The following LARS2 variants were observed in gnomAD, a reference collection of about 807,000 sequenced individuals.
LARS2 encodes leucine--tRNA ligase, mitochondrial.
Under a neutral mutation model 116.6 loss-of-function variants are expected in LARS2, and 81 were observed. That is an observed-to-expected ratio of 0.69 (90% CI 0.58 to 0.84). The LOEUF (loss-of-function observed/expected upper bound fraction) is 0.84, where lower values mean the gene tolerates loss of function less well. Among genes scored for constraint, LARS2 ranks in the 40% least tolerant of loss-of-function variants. The pLI is 0.00. For missense variants in LARS2, 968 were observed against 1,114.5 expected (o/e 0.87, Z 1.87); for synonymous variants, 396 against 407.2 (o/e 0.97, Z 0.33).
At chr3:45,431,654 A>C (rs1575250235) in intron 6 of LARS2, among the ~76,000 whole-genome samples, 1 of 106,412 alleles carries the variant, frequency 9.4e-6, no homozygotes, top group African/African-American at 3.2e-5. Flanking sequence ...CAAAGAAAAT[A>C]GTTATAGAAT....
Position 45,530,294 on chromosome 3 carries a change from G to A in LARS2, c.2404+6186G>A, listed in dbSNP as rs138065768. ...TCCCAGCACTATGGGAGGCCGAGGC[G>A]GGCGGATCATGAGGTCAAAGATCAA... On this transcript the variant is annotated intron_variant, in intron 20 of 21. Coordinates refer to ENST00000645846, the MANE Select transcript of LARS2 (RefSeq NM_015340.4). 2.4e-3 allele frequency among the ~76,000 whole-genome samples: 368 copies of A among 152,174 alleles called. 1 individual carries two copies. The highest frequency in any genetic ancestry group is 7.4e-3 in the African/African-American group (306 of 41,518).
intron 15 of LARS2, among the ~76,000 whole-genome samples, chr3:45,511,022 G>C (rs1700281242): frequency 6.6e-6 from 1 of 152,190 alleles, no homozygotes; most frequent in Admixed American, 6.5e-5. Context: ...AGAATTCAGA[G>C]ACTCGTTCTG....
chr3:45,504,122 A>G (rs1469081987), intron 15 of LARS2, among the ~76,000 whole-genome samples: 6 of 152,064 alleles, frequency 3.9e-5, no homozygotes, highest in African/African-American at 1.4e-4. Flanking sequence ...TGGATATACC[A>G]TAATTTATGT....
At chr3:45,428,535 G>A (rs1421227748) in intron 6 of LARS2, among the ~76,000 whole-genome samples, 4 of 152,012 alleles carry the variant, frequency 2.6e-5, no homozygotes, top group South Asian at 2.1e-4. Flanking sequence ...GTGAGCCACC[G>A]CGCCCAGCCT....
At chr3:45,504,708 T>C (rs1169476905) in intron 15 of LARS2, among the ~76,000 whole-genome samples, 1 of 152,070 alleles carries the variant, frequency 6.6e-6, no homozygotes, top group Non-Finnish European at 1.5e-5. Flanking sequence ...AATTGTGTCC[T>C]GTTACTGTCA....
intron 6 of LARS2, among the ~76,000 whole-genome samples, chr3:45,437,533 T>C (rs1276843355): frequency 6.6e-6 from 1 of 152,166 alleles, no homozygotes; most frequent in Non-Finnish European, 1.5e-5. Context: ...AAGCAGTCAG[T>C]GAGGCTGAGG....
intron 10 of LARS2, among the ~76,000 whole-genome samples, chr3:45,480,874 A>G (rs1024089762): frequency 2.0e-5 from 3 of 152,162 alleles, no homozygotes; most frequent in Admixed American, 6.5e-5. Context: ...ACATTTTTTT[A>G]TATTACTTTC....
chr3:45,423,897 TTTTTC>T (rs1698553090), intron 6 of LARS2, among the ~76,000 whole-genome samples: 1 of 152,210 alleles, frequency 6.6e-6, no homozygotes, highest in Non-Finnish European at 1.5e-5. Flanking sequence ...TTCATTATCT[TTTTTC>T]TTTCTTATCT....
intron 18 of LARS2, among the ~76,000 whole-genome samples, chr3:45,518,734 A>G (rs1026521801): frequency 6.7e-6 from 1 of 149,106 alleles, no homozygotes; most frequent in African/African-American, 2.4e-5. Flanking sequence ...AGCTGATTTA[A>G]AAAAAAAAAA....
intron 14 of LARS2, among the ~76,000 whole-genome samples, chr3:45,499,272 T>A (rs974716178): frequency 1.2e-4 from 19 of 152,082 alleles, no homozygotes; most frequent in Admixed American, 9.8e-4. Context: ...CAAAACCCCA[T>A]CTCTACTAAA....
intron 10 of LARS2, among the ~76,000 whole-genome samples, chr3:45,484,650 TA>T (rs1553634459): frequency 1.0e-5 from 1 of 97,008 alleles, no homozygotes; most frequent in Non-Finnish European, 2.1e-5. Context: ...TATATATATT[TA>T]AAATAAGATG....
intron 21 of LARS2, among the ~76,000 whole-genome samples, chr3:45,546,720 A>G (rs1205390908): frequency 6.6e-6 from 1 of 152,206 alleles, no homozygotes; most frequent in Non-Finnish European, 1.5e-5. Context: ...TCATTGAATC[A>G]ATATTCGGTG....
Position 45,442,500 on chromosome 3 carries a change from T to G in LARS2, c.517-4391T>G, listed in dbSNP as rs1011791551. On this transcript the variant is annotated intron_variant, in intron 6 of 21. Transcript: ENST00000645846. ...TAGATTTTCCAAGTCAGACAACTAC[T>G]TGGAGGCACATTAAATGATTTAAAA... Among the ~76,000 whole-genome samples the G allele has an allele frequency of 2.0e-5, 3 of 152,252 alleles. No individual in the cohort carries two copies. The South Asian group carries it at 6.2e-4, about 32-fold the overall frequency.
rs1416534858 is a variant in LARS2, at chr3:45,547,383, GC to G, written c.2569del (p.Gln857AsnfsTer87). On this transcript the variant is annotated frameshift_variant, in exon 22 of 22. Transcript: ENST00000645846. LOFTEE classifies it high-confidence loss of function. ...ATAAAGCTTGTGGCAAAATTCCTGT[GC>G]CCCAACAAGTTGCCCGGGACCAGGA... is the stretch of plus-strand genomic sequence containing the variant. ...NNKACGKIPV[P>X]QQVARDQDKV... is the part of the protein sequence containing the mutation. The G allele has an allele frequency of 6.2e-7, 1 of 1,611,224 alleles. No homozygotes were observed. The highest frequency in any genetic ancestry group is 2.2e-5 in the East Asian group (1 of 44,770).
At position 45,446,985 on chromosome 3, in the gene LARS2, G is replaced by A. The variant is rs767866470; in HGVS notation, c.606+5G>A. The A allele has an allele frequency of 1.2e-5, 19 of 1,524,352 alleles. No individual in the cohort carries two copies. Among genetic ancestry groups the A allele is most frequent in the South Asian group, 3.4e-5 (3 of 87,144 alleles). 94.4% of individuals were successfully genotyped at this position (1,524,352 alleles called of 1,614,324 possible). ...GGGCTGGCCTATCAAAAGGAGGTAA[G>A]TTAAAATTAGCTGGACTTTTAAAAT... On this transcript the variant is annotated splice_donor_5th_base_variant and intron_variant, in intron 7 of 21. Coordinates refer to ENST00000645846, the MANE Select transcript of LARS2 (RefSeq NM_015340.4).
intron 7 of LARS2, among the ~76,000 whole-genome samples, chr3:45,448,478 C>T (rs1478028412): frequency 2.0e-5 from 3 of 152,170 alleles, no homozygotes; most frequent in Middle Eastern, 3.4e-3. Context: ...AACCCAGTAG[C>T]GCTAGAGGAA....
intron 6 of LARS2, among the ~76,000 whole-genome samples, chr3:45,428,403 C>G (rs1698635266): frequency 6.6e-6 from 1 of 151,762 alleles, no homozygotes; most frequent in African/African-American, 2.4e-5. Flanking sequence ...GCCACCACAC[C>G]CGGATAATTT....
chr3:45,508,714 T>C (rs149616436), intron 15 of LARS2, among the ~76,000 whole-genome samples: 2 of 152,128 alleles, frequency 1.3e-5, no homozygotes, highest in African/African-American at 4.8e-5. Flanking sequence ...CCTGATATTC[T>C]TTGCTCATAC....
intron 4 of LARS2, among the ~76,000 whole-genome samples, chr3:45,413,688 C>T (rs1431584011): frequency 3.3e-5 from 5 of 152,342 alleles, no homozygotes; most frequent in Admixed American, 6.5e-5. Context: ...ATTGTTTCAT[C>T]GGACTACTAA....
Sources: allele counts gnomAD v4.1 joint callset (sites outside exome capture counted in the v4.1 genomes callset), GRCh38; gene constraint gnomAD v4.1.1; transcripts MANE v1.5; gene names NCBI Gene and HGNC (gene_info 2026-07-23, HGNC 2026-07-21).